Variants in BMAL1 observed in about 807,000 individuals in gnomAD.
BMAL1 encodes the protein basic helix-loop-helix ARNT like 1.
chr11:13,284,126 GTGTATATATATATATA>G, the BMAL1 span, among the ~76,000 whole-genome samples: 38,261 of 98,004 alleles, frequency 0.39, 11,907 homozygotes, highest in Non-Finnish European at 0.51. Context: ...ATATGTGTGT[GTGTATATATATATATA>G]TGTGTATATA....
At chr11:13,364,883 G>C in the BMAL1 span, among the ~76,000 whole-genome samples, 1 of 152,148 alleles carries the variant, frequency 6.6e-6, no homozygotes, top group East Asian at 1.9e-4. Flanking sequence ...GAGAGTAGTA[G>C]TTCTCAGCCC....
the BMAL1 span, among the ~76,000 whole-genome samples, chr11:13,347,964 G>C: frequency 6.6e-6 from 1 of 152,218 alleles, no homozygotes; most frequent in Non-Finnish European, 1.5e-5. Flanking sequence ...CACGAGATCA[G>C]GCACAGGAGA....
At chr11:13,317,423 T>G in the BMAL1 span, among the ~76,000 whole-genome samples, 1 of 152,226 alleles carries the variant, frequency 6.6e-6, no homozygotes, top group Non-Finnish European at 1.5e-5. Context: ...TCTTGTCCAG[T>G]GGATGTATGA....
At chr11:13,358,598 C>T in the BMAL1 span, 3 of 1,582,354 alleles carry the variant, frequency 1.9e-6, no homozygotes, top group South Asian at 3.5e-5. Flanking sequence ...AGAGGTGAGA[C>T]CCTGGGCTCT....
the BMAL1 span, among the ~76,000 whole-genome samples, chr11:13,359,379 TAAG>T: frequency 4.6e-5 from 7 of 152,280 alleles, no homozygotes; most frequent in South Asian, 2.1e-4. Context: ...CCACCAGAAA[TAAG>T]AAGTAGCTGG....
At chr11:13,368,121 G>GAAA in the BMAL1 span, among the ~76,000 whole-genome samples, 1 of 152,206 alleles carries the variant, frequency 6.6e-6, no homozygotes, top group Non-Finnish European at 1.5e-5. Context: ...GACCTTAGGA[G>GAAA]AAAAATATGA....
the BMAL1 span, chr11:13,387,058 C>A: frequency 1.3e-5 from 3 of 234,706 alleles, no homozygotes; most frequent in African/African-American, 4.5e-5. Flanking sequence ...ACAGAAGCAT[C>A]ATTGGTAGCT....
At chr11:13,377,263 G>GC in the BMAL1 span, among the ~76,000 whole-genome samples, 1 of 152,110 alleles carries the variant, frequency 6.6e-6, no homozygotes, top group Non-Finnish European at 1.5e-5. Context: ...TCTCTCCCGA[G>GC]CTCCAGATCT....
chr11:13,292,397 A>G, the BMAL1 span, among the ~76,000 whole-genome samples: 2 of 151,786 alleles, frequency 1.3e-5, no homozygotes, highest in Non-Finnish European at 2.9e-5. Flanking sequence ...CAAAAAAAAA[A>G]TTACCTGGGC....
chr11:13,386,391 T>C, the BMAL1 span, among the ~76,000 whole-genome samples: 1 of 152,266 alleles, frequency 6.6e-6, no homozygotes, highest in East Asian at 1.9e-4. Flanking sequence ...GTAACCCCAC[T>C]TATTTCTTAC....
chr11:13,350,407 T>A, the BMAL1 span, among the ~76,000 whole-genome samples: 1 of 152,210 alleles, frequency 6.6e-6, no homozygotes, highest in African/African-American at 2.4e-5. Flanking sequence ...TAAATAATCA[T>A]GAAATACTTC....
the BMAL1 span, among the ~76,000 whole-genome samples, chr11:13,293,426 T>G: frequency 6.6e-6 from 1 of 152,246 alleles, no homozygotes; most frequent in East Asian, 1.9e-4. Flanking sequence ...TGGCCTTTCC[T>G]GCCTCCCAGG....
chr11:13,373,280 C>G, the BMAL1 span, among the ~76,000 whole-genome samples: 1 of 152,098 alleles, frequency 6.6e-6, no homozygotes, highest in Non-Finnish European at 1.5e-5. Context: ...CCAGGTGTCC[C>G]AAATTTACTG....
chr11:13,289,265 T>A, the BMAL1 span, among the ~76,000 whole-genome samples: 1 of 152,164 alleles, frequency 6.6e-6, no homozygotes, highest in Non-Finnish European at 1.5e-5. Flanking sequence ...AGGAATAGCC[T>A]AGGAGAACCA....
the BMAL1 span, among the ~76,000 whole-genome samples, chr11:13,325,126 G>A: frequency 3.3e-5 from 5 of 152,326 alleles, no homozygotes; most frequent in Admixed American, 6.5e-5. Context: ...AGGAGGGGAC[G>A]AACTGGTCCA....
chr11:13,375,067 T>G, the BMAL1 span, among the ~76,000 whole-genome samples: 1 of 152,202 alleles, frequency 6.6e-6, no homozygotes, highest in Non-Finnish European at 1.5e-5. Context: ...GGCTCTGATC[T>G]CTTCTCCCTG....
chr11:13,291,876 C>G, the BMAL1 span, among the ~76,000 whole-genome samples: 1 of 152,114 alleles, frequency 6.6e-6, no homozygotes, highest in East Asian at 1.9e-4. Flanking sequence ...TTAAAAATCC[C>G]AAGGCTTTAA....
chr11:13,309,303 GA>G, the BMAL1 span, among the ~76,000 whole-genome samples: 4 of 152,064 alleles, frequency 2.6e-5, no homozygotes, highest in African/African-American at 9.7e-5. Flanking sequence ...TCTATCGGGG[GA>G]AACCATGCAA....
At chr11:13,311,184 T>C in the BMAL1 span, among the ~76,000 whole-genome samples, 1 of 152,174 alleles carries the variant, frequency 6.6e-6, no homozygotes, top group Non-Finnish European at 1.5e-5. Flanking sequence ...CCATAAGAAA[T>C]GTCCAGCAGA....
Sources: allele counts gnomAD v4.1 joint callset (sites outside exome capture counted in the v4.1 genomes callset), GRCh38; gene constraint gnomAD v4.1.1; transcripts MANE v1.5; gene names NCBI Gene and HGNC (gene_info 2026-07-23, HGNC 2026-07-21).